Variants in ADAM12 observed in about 807,000 individuals in gnomAD.
ADAM12 encodes ADAM metallopeptidase domain 12, also known as disintegrin and metalloproteinase domain-containing protein 12.
Under a neutral mutation model 106.4 loss-of-function variants are expected in ADAM12, and 70 were observed. The ratio of observed to expected loss-of-function variants is 0.66; its 90% CI spans 0.54 to 0.80. ADAM12 has a LOEUF of 0.80. Ranked by LOEUF, ADAM12 falls within the 30% of genes least tolerant of loss-of-function variation. ADAM12 has a pLI of 0.00. For synonymous variants in ADAM12, 420 were observed against 433.5 expected, an observed-to-expected ratio of 0.97 and a Z score of 0.39; for missense variants, 1,010 against 1,171.9, an observed-to-expected ratio of 0.86 and a Z score of 2.02.
Position 126,101,256 on chromosome 10 carries a change from C to T in ADAM12, c.742-15G>A. The T allele has an allele frequency of 6.2e-7, 1 of 1,606,890 alleles. No individual in the cohort carries two copies. The highest frequency in any genetic ancestry group is 8.5e-7 in the Non-Finnish European group (1 of 1,175,156). Reference sequence around the variant, plus strand: ...GGTCTGTAAAACTGGGCAAAACAGGCAAAACTGGCATTGGAGTTGGGATCA... The same window carrying T: ...GGTCTGTAAAACTGGGCAAAACAGGTAAAACTGGCATTGGAGTTGGGATCA... On this transcript the variant is annotated splice_polypyrimidine_tract_variant and intron_variant, in intron 8 of 22. Coordinates refer to ENST00000448723, the MANE Select transcript of ADAM12 (RefSeq NM_001288973.2).
intron 1 of ADAM12, among the ~76,000 whole-genome samples, chr10:126,376,247 C>A (rs1354804903): frequency 6.6e-6 from 1 of 152,028 alleles, no homozygotes; most frequent in Non-Finnish European, 1.5e-5. Flanking sequence ...TGATTTGAAT[C>A]ATCAGGATTA....
intron 4 of ADAM12, among the ~76,000 whole-genome samples, chr10:126,143,481 G>T (rs1472819991): frequency 6.6e-6 from 1 of 151,286 alleles, no homozygotes; most frequent in Non-Finnish European, 1.5e-5. Context: ...TGTGTATATG[G>T]TGTGCATATA....
chr10:126,195,241 T>A (rs11244878), intron 3 of ADAM12, among the ~76,000 whole-genome samples: 1 of 151,944 alleles, frequency 6.6e-6, no homozygotes, highest in Admixed American at 6.5e-5. Flanking sequence ...AGAATAGATT[T>A]TAAGTGTTCT....
At chr10:126,321,712 C>T (rs768749512) in intron 2 of ADAM12, among the ~76,000 whole-genome samples, 2 of 152,174 alleles carry the variant, frequency 1.3e-5, no homozygotes, top group African/African-American at 4.8e-5. Flanking sequence ...CTCACCACGT[C>T]TGCCCCCTGA....
chr10:126,022,601 A>C (rs145679671), intron 21 of ADAM12, among the ~76,000 whole-genome samples: 275 of 152,318 alleles, frequency 1.8e-3, no homozygotes, highest in Non-Finnish European at 3.2e-3. Flanking sequence ...AAGGGATGAA[A>C]TTGCCATGCT....
chr10:126,293,800 C>T (rs1357461084), intron 2 of ADAM12, among the ~76,000 whole-genome samples: 1 of 152,166 alleles, frequency 6.6e-6, no homozygotes, highest in Non-Finnish European at 1.5e-5. Flanking sequence ...TTTGCCCTTC[C>T]TTCTAGTTCC....
intron 1 of ADAM12, among the ~76,000 whole-genome samples, chr10:126,335,345 T>C (rs532171827): frequency 4.6e-5 from 7 of 152,292 alleles, no homozygotes; most frequent in Admixed American, 3.3e-4. Flanking sequence ...GGAGAATCAA[T>C]CTGAGGTGCA....
chr10:126,019,645 C>T, intron 22 of ADAM12, 50 bp downstream of exon 22: 1 of 1,594,080 alleles, frequency 6.3e-7, no homozygotes. Context: ...CGTGGTTGGT[C>T]CCACAAGAGT....
At chr10:126,252,495 G>C (rs1228133272) in intron 3 of ADAM12, among the ~76,000 whole-genome samples, 2 of 152,192 alleles carry the variant, frequency 1.3e-5, no homozygotes, top group African/African-American at 2.4e-5. Flanking sequence ...AAAGGTCTGA[G>C]GACCTGGGAG....
chr10:126,064,707 C>A lies in ADAM12; in HGVS notation c.1609+99G>T. ...CGGATGCTGTGTGGACAGCGCCCGC[C>A]AGGAGTGGGGGCTAACCAAAACAGA... On this transcript the variant is annotated intron_variant, in intron 14 of 22. Coordinates refer to ENST00000448723, the MANE Select transcript of ADAM12 (RefSeq NM_001288973.2). The surrounding 1 kb of genome is among the most constrained non-coding windows in gnomAD (Gnocchi z 4.4). 1 of 1,306,406 alleles carries A rather than the reference C, an allele frequency of 7.7e-7. No homozygotes were observed. Among genetic ancestry groups the A allele is most frequent in the Non-Finnish European group, 1.0e-6 (1 of 956,674 alleles). 80.9% of individuals were successfully genotyped at this position (1,306,406 alleles called of 1,614,324 possible).
chr10:126,111,325 T>C (rs1955863395), intron 6 of ADAM12, among the ~76,000 whole-genome samples: 1 of 152,222 alleles, frequency 6.6e-6, no homozygotes, highest in Non-Finnish European at 1.5e-5. Flanking sequence ...GCGTTACTTA[T>C]AAAAGAAAAG....
chr10:126,384,636 T>C (rs1022423570), intron 1 of ADAM12, among the ~76,000 whole-genome samples: 1 of 152,080 alleles, frequency 6.6e-6, no homozygotes, highest in Non-Finnish European at 1.5e-5. Flanking sequence ...TTGGATCATA[T>C]TGAAAGGAGG....
At chr10:126,116,035 C>A (rs1955976035) in intron 6 of ADAM12, among the ~76,000 whole-genome samples, 1 of 152,336 alleles carries the variant, frequency 6.6e-6, no homozygotes, top group African/African-American at 2.4e-5. Flanking sequence ...TTTAAAGGTT[C>A]ATTTGCACTT....
In ADAM12 at chr10:126,038,563, C is replaced by T. The variant is rs185019842; in HGVS notation, c.2241-214G>A. Among the ~76,000 whole-genome samples the T allele has an allele frequency of 1.4e-4, 22 of 152,324 alleles. 1 individual carries two copies. The highest frequency in any genetic ancestry group is 1.2e-3 in the Admixed American group (19 of 15,298). On this transcript the variant is annotated intron_variant, in intron 19 of 22. Coordinates refer to ENST00000448723, the MANE Select transcript of ADAM12 (RefSeq NM_001288973.2). ...ACCTCTATTTTGTCAAATTAGTTCT[C>T]ACGCTCCATAGAAATGCAGTGTAGT... is the stretch of plus-strand genomic sequence containing the variant.
chr10:126,082,820 C>T (rs1470625682), intron 11 of ADAM12, among the ~76,000 whole-genome samples: 3 of 152,162 alleles, frequency 2.0e-5, no homozygotes, highest in Admixed American at 6.5e-5. Flanking sequence ...CAAGTGAGAG[C>T]GAGGTCCTCT....
chr10:126,367,249 AAATT>A (rs1590831675), intron 1 of ADAM12, among the ~76,000 whole-genome samples: 1 of 152,032 alleles, frequency 6.6e-6, no homozygotes, highest in Non-Finnish European at 1.5e-5. Flanking sequence ...ATAAAATTAG[AAATT>A]AATAACAAAA....
chr10:126,205,987 A>C (rs1471885032), intron 3 of ADAM12, among the ~76,000 whole-genome samples: 1 of 152,228 alleles, frequency 6.6e-6, no homozygotes, highest in Non-Finnish European at 1.5e-5. Flanking sequence ...TCATAGTCTA[A>C]AAATCTTGGT....
intron 11 of ADAM12, among the ~76,000 whole-genome samples, chr10:126,092,302 C>T (rs1183631738): frequency 6.6e-6 from 1 of 152,154 alleles, no homozygotes; most frequent in East Asian, 1.9e-4. Context: ...ACACGAAGGC[C>T]ACTCAGTTGC....
chr10:126,055,086 C>T (rs1954600167), intron 14 of ADAM12, among the ~76,000 whole-genome samples: 1 of 152,186 alleles, frequency 6.6e-6, no homozygotes, highest in Non-Finnish European at 1.5e-5. Flanking sequence ...ATCTGAAACC[C>T]TAATAGTTTT....
Sources: allele counts gnomAD v4.1 joint callset (sites outside exome capture counted in the v4.1 genomes callset), GRCh38; gene constraint gnomAD v4.1.1; non-coding constraint Gnocchi (gnomAD v3.1); transcripts MANE v1.5; gene names NCBI Gene and HGNC (gene_info 2026-07-23, HGNC 2026-07-21).